The following ACOT13 variants were observed in gnomAD, a reference collection of about 807,000 sequenced individuals.
ACOT13 encodes the protein acyl-coenzyme A thioesterase 13.
A neutral mutation model predicts 11.8 loss-of-function variants in ACOT13; 10 were observed. That is an observed-to-expected ratio of 0.85 (90% CI 0.53 to 1.44). The LOEUF (loss-of-function observed/expected upper bound fraction) is 1.44. ACOT13 is among the 40% of genes most tolerant of loss of function. ACOT13 has a pLI of 0.00. For missense variants in ACOT13, 172 were observed against 174.1 expected, an observed-to-expected ratio of 0.99 and a Z score of 0.07; for synonymous variants, 53 against 61.0, an observed-to-expected ratio of 0.87 and a Z score of 0.61.
intron 1 of ACOT13, among the ~76,000 whole-genome samples, chr6:24,692,889 A>G (rs1373501414): frequency 6.6e-6 from 1 of 152,238 alleles, no homozygotes; most frequent in Non-Finnish European, 1.5e-5. Flanking sequence ...AGCTACTGAA[A>G]CATACATTAT....
In ACOT13 at chr6:24,689,040, C is replaced by T. The variant is rs79616001; in HGVS notation, c.82-8843C>T. Among the ~76,000 whole-genome samples, 18 of 152,182 alleles carry T rather than the reference C, an allele frequency of 1.2e-4. No homozygotes were observed. In the East Asian group the frequency reaches 3.5e-3, roughly 29 times the overall value. On this transcript the variant is annotated intron_variant, in intron 1 of 2. Coordinates refer to ENST00000230048, the MANE Select transcript of ACOT13 (RefSeq NM_018473.4). ...TAAAACCATGAGATACTATGTTTTG[C>T]TTGTCAGAGTGTAAAAATTAAGGTA...
chr6:24,669,806 G>GTCCATAC (rs1778328878), intron 1 of ACOT13, among the ~76,000 whole-genome samples: 1 of 152,186 alleles, frequency 6.6e-6, no homozygotes, highest in African/African-American at 2.4e-5. Flanking sequence ...TTATTCTGAA[G>GTCCATAC]TCCATACATC....
chr6:24,682,732 C>T (rs530429183), intron 1 of ACOT13, among the ~76,000 whole-genome samples: 6 of 151,276 alleles, frequency 4.0e-5, no homozygotes, highest in African/African-American at 1.2e-4. Context: ...GGATGGCGAG[C>T]GAAAGCTCAG....
intron 1 of ACOT13, among the ~76,000 whole-genome samples, chr6:24,685,836 AC>A: frequency 6.6e-6 from 1 of 152,294 alleles, no homozygotes; most frequent in East Asian, 1.9e-4. Context: ...TTCCCCCACA[AC>A]AAAAAAGTAT....
chr6:24,694,621 C>T (rs1778767422), intron 1 of ACOT13, among the ~76,000 whole-genome samples: 1 of 152,162 alleles, frequency 6.6e-6, no homozygotes, highest in South Asian at 2.1e-4. Context: ...CCCTACTCCC[C>T]TTCCTCATCA....
At chr6:24,675,130 A>G (rs1168922664) in intron 1 of ACOT13, among the ~76,000 whole-genome samples, 2 of 152,086 alleles carry the variant, frequency 1.3e-5, no homozygotes, top group African/African-American at 4.8e-5. Flanking sequence ...CCAGTCTATC[A>G]TTCATGGACA....
rs1231251026 is a variant in ACOT13 at position 24,702,770 on chromosome 6, G to A, written c.*1155G>A. On this transcript the variant is annotated 3_prime_UTR_variant, in exon 3 of 3. Transcript: ENST00000230048. ...TAGTGTTACAGGAAATGGTCCAATA[G>A]AGGGGGAAGAAAAAAAGCATGCTAC... 6.6e-6 allele frequency: 1 copy of A among 152,134 alleles called. No homozygotes were observed. Among genetic ancestry groups the A allele is most frequent in the African/African-American group, 2.4e-5 (1 of 41,414 alleles). The allele number at this position is 152,134 out of a possible 1,614,324, so 9.4% of individuals were successfully genotyped here.
chr6:24,671,864 A>T lies in ACOT13; in HGVS notation c.81+4520A>T, dbSNP rs117552375. On this transcript the variant is annotated intron_variant, in intron 1 of 2. Coordinates refer to ENST00000230048, the MANE Select transcript of ACOT13 (RefSeq NM_018473.4). Reference sequence around the variant, plus strand: ...ATGATTATTACTGATAATGTACACTAGGTCATATCAGAATTACAGGAATTT... The same window carrying T: ...ATGATTATTACTGATAATGTACACTTGGTCATATCAGAATTACAGGAATTT... Among the ~76,000 whole-genome samples the T allele has an allele frequency of 5.1e-4, 78 of 152,348 alleles. 1 individual carries two copies. The East Asian group carries it at 0.014, about 27-fold the overall frequency.
At chr6:24,681,689 C>T (rs998618200) in intron 1 of ACOT13, among the ~76,000 whole-genome samples, 2 of 151,990 alleles carry the variant, frequency 1.3e-5, no homozygotes, top group Non-Finnish European at 2.9e-5. Context: ...AGGAGGGACA[C>T]CAGGGATAAG....
intron 1 of ACOT13, among the ~76,000 whole-genome samples, chr6:24,673,540 T>C (rs1778394161): frequency 6.6e-6 from 1 of 152,114 alleles, no homozygotes; most frequent in Non-Finnish European, 1.5e-5. Flanking sequence ...TTTGTATTTT[T>C]GTTAGAGACG....
intron 1 of ACOT13, among the ~76,000 whole-genome samples, chr6:24,684,778 C>G (rs1278047276): frequency 1.6e-5 from 2 of 125,614 alleles, no homozygotes; most frequent in African/African-American, 3.1e-5. Context: ...TTTGGGAGGC[C>G]CAGGTGGGAA....
intron 1 of ACOT13, chr6:24,687,560 AGGT>A: frequency 7.0e-7 from 1 of 1,428,276 alleles, no homozygotes; most frequent in Non-Finnish European, 9.2e-7. Flanking sequence ...TGAGTGATGA[AGGT>A]GAATACCTGA....
chr6:24,695,599 ACTGAACCCG>A (rs1162201804), intron 1 of ACOT13, among the ~76,000 whole-genome samples: 1 of 152,222 alleles, frequency 6.6e-6, no homozygotes, highest in Non-Finnish European at 1.5e-5. Flanking sequence ...TCCTTTAGAC[ACTGAACCCG>A]CTAAGAGCAG....
intron 1 of ACOT13, among the ~76,000 whole-genome samples, chr6:24,685,139 T>G (rs985059215): frequency 2.0e-5 from 3 of 152,220 alleles, no homozygotes; most frequent in Non-Finnish European, 4.4e-5. Flanking sequence ...TGCTCAGTAC[T>G]GACGTGGCTA....
intron 1 of ACOT13, among the ~76,000 whole-genome samples, chr6:24,673,173 C>T (rs1299080341): frequency 6.6e-6 from 1 of 151,980 alleles, no homozygotes; most frequent in East Asian, 1.9e-4. Context: ...AAAATGTAAA[C>T]TCTGTTAGGT....
At chr6:24,698,639 G>A (rs929188028) in intron 2 of ACOT13, among the ~76,000 whole-genome samples, 1 of 147,654 alleles carries the variant, frequency 6.8e-6, no homozygotes, top group African/African-American at 2.5e-5. Flanking sequence ...CACCATTGCT[G>A]GGGTTTTTTT....
At chr6:24,700,448 T>G (rs1225395123) in intron 2 of ACOT13, among the ~76,000 whole-genome samples, 1 of 146,636 alleles carries the variant, frequency 6.8e-6, no homozygotes, top group East Asian at 2.0e-4. Flanking sequence ...TTTTTTTTTT[T>G]TTTGTGAGAT....
At chr6:24,672,933 A>G (rs1778386429) in intron 1 of ACOT13, among the ~76,000 whole-genome samples, 1 of 152,126 alleles carries the variant, frequency 6.6e-6, no homozygotes, top group African/African-American at 2.4e-5. Context: ...AATGCAGTTT[A>G]TTTTGATTGG....
At chr6:24,698,773 G>T (rs1778840427) in intron 2 of ACOT13, among the ~76,000 whole-genome samples, 1 of 151,980 alleles carries the variant, frequency 6.6e-6, no homozygotes, top group Non-Finnish European at 1.5e-5. Flanking sequence ...TAGTAGCTGG[G>T]ATTACAGGTG....
Sources: gnomAD v4.1 joint callset for allele counts (sites outside exome capture counted in the v4.1 genomes callset) on GRCh38, gnomAD v4.1.1 for gene constraint, MANE v1.5 for transcripts, NCBI Gene and HGNC (gene_info 2026-07-23, HGNC 2026-07-21) for gene names.